The following EYS variants were observed in gnomAD, a reference collection of about 807,000 sequenced individuals.
EYS encodes protein eyes shut homolog.
Under a neutral mutation model 282.1 loss-of-function variants are expected in EYS, and 250 were observed. The ratio of observed to expected loss-of-function variants is 0.89; its 90% CI spans 0.80 to 0.98. The LOEUF is 0.98. EYS is among the 50% of genes least tolerant of loss of function. The probability of loss-of-function intolerance (pLI) is 0.00; values close to 1 mark genes in which losing one functional copy is unlikely to be tolerated. For synonymous variants in EYS, 1,355 were observed against 1,282.9 expected (o/e 1.06, Z -1.20); for missense variants, 4,016 against 3,709.0 (o/e 1.08, Z -2.15).
chr6:65,267,942 C>T (rs1364021784), intron 12 of EYS, among the ~76,000 whole-genome samples: 3 of 151,604 alleles, frequency 2.0e-5, no homozygotes, highest in Non-Finnish European at 4.4e-5. Flanking sequence ...GTCTCACTAT[C>T]TCTCCCCTCT....
intron 26 of EYS, among the ~76,000 whole-genome samples, chr6:64,525,740 G>A (rs551708858): frequency 2.8e-4 from 43 of 151,770 alleles, no homozygotes; most frequent in Admixed American, 6.6e-5. Flanking sequence ...AGGATGCAGG[G>A]AAATTAAATC....
intron 2 of EYS, among the ~76,000 whole-genome samples, chr6:65,575,666 T>C (rs1764638592): frequency 6.6e-6 from 1 of 151,894 alleles, no homozygotes; most frequent in East Asian, 1.9e-4. Context: ...ATTTGTGTTC[T>C]TTTAAACTAA....
At chr6:64,522,482 T>G (rs972819118) in intron 26 of EYS, among the ~76,000 whole-genome samples, 1 of 151,712 alleles carries the variant, frequency 6.6e-6, no homozygotes, top group African/African-American at 2.4e-5. Flanking sequence ...GTTTGTTAGA[T>G]GAAGGGAATC....
intron 22 of EYS, among the ~76,000 whole-genome samples, chr6:64,685,483 G>A (rs1770060817): frequency 6.6e-6 from 1 of 152,092 alleles, no homozygotes; most frequent in Non-Finnish European, 1.5e-5. Context: ...GTTTTGGGGT[G>A]GTGGTGAGTG....
intron 30 of EYS, among the ~76,000 whole-genome samples, chr6:64,279,794 C>A (rs945576290): frequency 6.6e-6 from 1 of 152,122 alleles, no homozygotes; most frequent in Non-Finnish European, 1.5e-5. Flanking sequence ...TTTCTTTCTT[C>A]TCTTCATTCT....
intron 36 of EYS, among the ~76,000 whole-genome samples, chr6:63,818,988 CTCTTTT>C (rs1582239028): frequency 1.3e-5 from 2 of 152,222 alleles, no homozygotes; most frequent in Non-Finnish European, 2.9e-5. Context: ...GGGATTTCTT[CTCTTTT>C]TCTTCTCAGC....
chr6:65,393,889 C>T (rs545631114), intron 7 of EYS, among the ~76,000 whole-genome samples: 46 of 152,024 alleles, frequency 3.0e-4, no homozygotes, highest in African/African-American at 1.1e-3. Context: ...ATATCATTAT[C>T]GTTGAAATAT....
intron 5 of EYS, among the ~76,000 whole-genome samples, chr6:65,445,091 A>G (rs965439547): frequency 2.0e-5 from 2 of 98,194 alleles, no homozygotes; most frequent in Non-Finnish European, 5.2e-5. Context: ...TTAGTACCTG[A>G]AAAAAAAAAA....
At chr6:64,580,476 C>G (rs1766026106) in intron 26 of EYS, among the ~76,000 whole-genome samples, 2 of 152,076 alleles carry the variant, frequency 1.3e-5, no homozygotes, top group South Asian at 4.2e-4. Flanking sequence ...TGAGAAGGGA[C>G]TATGAGCACT....
intron 22 of EYS, among the ~76,000 whole-genome samples, chr6:64,775,136 A>G (rs1773639964): frequency 6.6e-6 from 1 of 152,002 alleles, no homozygotes; most frequent in African/African-American, 2.4e-5. Flanking sequence ...GACTGTTTAA[A>G]GACATTCCAA....
At chr6:65,390,577 AAG>A (rs1160407883) in intron 7 of EYS, among the ~76,000 whole-genome samples, 2 of 151,968 alleles carry the variant, frequency 1.3e-5, no homozygotes, top group Admixed American at 6.6e-5. Context: ...AGAAAAAAAA[AAG>A]AAAGTGTAGA....
intron 22 of EYS, among the ~76,000 whole-genome samples, chr6:64,628,979 A>G (rs1767695610): frequency 6.6e-6 from 1 of 152,158 alleles, no homozygotes; most frequent in Admixed American, 6.5e-5. Context: ...CATTATTATT[A>G]ACTGAAGTCT....
intron 8 of EYS, among the ~76,000 whole-genome samples, chr6:65,353,966 T>C (rs904534458): frequency 9.2e-5 from 14 of 152,080 alleles, no homozygotes; most frequent in Non-Finnish European, 1.5e-4. Flanking sequence ...AAAACACTTA[T>C]AACGGTTGAA....
At chr6:64,809,980 T>C (rs771212485) in intron 22 of EYS, among the ~76,000 whole-genome samples, 23 of 152,018 alleles carry the variant, frequency 1.5e-4, no homozygotes, top group Non-Finnish European at 2.9e-4. Context: ...ATGTTGAAAA[T>C]GTTGAAATTT....
intron 40 of EYS, among the ~76,000 whole-genome samples, chr6:63,775,694 T>C (rs1448530394): frequency 6.6e-6 from 1 of 152,190 alleles, no homozygotes; most frequent in Admixed American, 6.5e-5. Context: ...CACAATTTTT[T>C]TTTCTTTAAA....
At chr6:65,549,986 A>C (rs1410657150) in intron 2 of EYS, among the ~76,000 whole-genome samples, 1 of 118,602 alleles carries the variant, frequency 8.4e-6, no homozygotes, top group Non-Finnish European at 1.8e-5. Context: ...GCAAGGTGGC[A>C]ACCATCCTCC....
At chr6:64,279,224 T>C (rs1768218892) in intron 30 of EYS, among the ~76,000 whole-genome samples, 1 of 152,168 alleles carries the variant, frequency 6.6e-6, no homozygotes, top group Admixed American at 6.5e-5. Context: ...ATTAATAACT[T>C]GAGATGATTT....
At chr6:64,045,335 C>T (rs1770567584) in intron 33 of EYS, among the ~76,000 whole-genome samples, 1 of 151,518 alleles carries the variant, frequency 6.6e-6, no homozygotes, top group African/African-American at 2.4e-5. Flanking sequence ...TATTATTTCC[C>T]TATTTTTCCC....
intron 22 of EYS, among the ~76,000 whole-genome samples, chr6:64,757,041 A>C (rs192265470): frequency 3.3e-5 from 5 of 152,236 alleles, no homozygotes. Context: ...CCCCAAACTA[A>C]TATCTGATTT....
Sources: allele counts gnomAD v4.1 joint callset (sites outside exome capture counted in the v4.1 genomes callset), GRCh38; gene constraint gnomAD v4.1.1; transcripts MANE v1.5; gene names NCBI Gene and HGNC (gene_info 2026-07-23, HGNC 2026-07-21).